TNFSF13B: variants seen among roughly 807,000 people sequenced by gnomAD.
The protein encoded by TNFSF13B is TNF superfamily member 13b, also known as tumor necrosis factor ligand superfamily member 13B.
Under a neutral mutation model 29.1 loss-of-function variants are expected in TNFSF13B, and 8 were observed. The ratio of observed to expected loss-of-function variants is 0.27; its 90% CI spans 0.16 to 0.50. The LOEUF is 0.50. Among genes scored for constraint, TNFSF13B ranks in the 20% least tolerant of loss-of-function variants. The pLI is 0.98. For missense variants in TNFSF13B, 248 were observed against 334.9 expected (o/e 0.74, Z 2.03); for synonymous variants, 125 against 130.8 (o/e 0.96, Z 0.30).
intron 5 of TNFSF13B, 57 bp downstream of exon 5, chr13:108,303,661 A>C (rs1209442345): frequency 6.5e-7 from 1 of 1,544,694 alleles, no homozygotes; most frequent in African/African-American, 1.4e-5. Context: ...TTGACGAAAA[A>C]TCTGAGCTGC....
chr13:108,285,683 A>G (rs939070168), intron 2 of TNFSF13B, among the ~76,000 whole-genome samples: 7 of 152,208 alleles, frequency 4.6e-5, no homozygotes, highest in Non-Finnish European at 7.3e-5. Context: ...GAAATTTTTC[A>G]GCTAATCTCC....
chr13:108,283,570 G>A (rs190351212), intron 2 of TNFSF13B, among the ~76,000 whole-genome samples: 2 of 152,196 alleles, frequency 1.3e-5, no homozygotes, highest in African/African-American at 4.8e-5. Context: ...CATATTCATG[G>A]TGTCAAGTCA....
At chr13:108,273,283 A>T (rs939428174) in intron 2 of TNFSF13B, among the ~76,000 whole-genome samples, 1 of 152,142 alleles carries the variant, frequency 6.6e-6, no homozygotes, top group Non-Finnish European at 1.5e-5. Context: ...GATTTGTGAT[A>T]ATTTGAAAAA....
At chr13:108,302,483 C>T (rs552152765) in intron 3 of TNFSF13B, among the ~76,000 whole-genome samples, 65 of 152,262 alleles carry the variant, frequency 4.3e-4, no homozygotes, top group African/African-American at 1.5e-3. Context: ...TCTCTGCTCT[C>T]TTAATGGGTT....
At position 108,306,737 on chromosome 13, in the gene TNFSF13B, T is replaced by G. The variant is rs533865044; in HGVS notation, c.746-89T>G. 3.0e-4 allele frequency: 235 copies of G among 785,594 alleles called. No homozygotes were observed. In the African/African-American group the frequency reaches 3.6e-3, roughly 12 times the overall value. The allele number at this position is 785,594 out of a possible 1,614,324, so 48.7% of individuals were successfully genotyped here. ...GTGTGAATGCCTATGTTAACATTTT[T>G]TTTTTACAGAACAAAATAGTTTTAT... On this transcript the variant is annotated intron_variant, in intron 5 of 5. Transcript: ENST00000375887.
At chr13:108,306,612 G>A (rs908328080) in intron 5 of TNFSF13B, among the ~76,000 whole-genome samples, 2 of 151,742 alleles carry the variant, frequency 1.3e-5, no homozygotes, top group Non-Finnish European at 2.9e-5. Flanking sequence ...GGTGATAAAT[G>A]CATACATATC....
Position 108,298,254 on chromosome 13 carries a change from T to C in TNFSF13B, c.482-4999T>C, listed in dbSNP as rs137929719. 5.6e-4 allele frequency among the ~76,000 whole-genome samples: 81 copies of C among 145,070 alleles called. 14 individuals are homozygous for C. Among genetic ancestry groups the C allele is most frequent in the African/African-American group, 2.0e-3 (77 of 38,568 alleles). Reference sequence around the variant, plus strand: ...ATCACTGTACCTTCCTCTCAGTTTTTCTGTGAATCTAAAATGGCTCTAAAA... The same window carrying C: ...ATCACTGTACCTTCCTCTCAGTTTTCCTGTGAATCTAAAATGGCTCTAAAA... On this transcript the variant is annotated intron_variant, in intron 3 of 5. Coordinates refer to ENST00000375887, the MANE Select transcript of TNFSF13B (RefSeq NM_006573.5).
intron 3 of TNFSF13B, among the ~76,000 whole-genome samples, chr13:108,290,367 T>C (rs910667780): frequency 1.3e-5 from 2 of 152,152 alleles, no homozygotes; most frequent in African/African-American, 4.8e-5. Flanking sequence ...TAACTTCTCA[T>C]ATGTCAGCCT....
intron 3 of TNFSF13B, among the ~76,000 whole-genome samples, chr13:108,287,477 T>C (rs1211508548): frequency 6.6e-6 from 1 of 152,182 alleles, no homozygotes; most frequent in African/African-American, 2.4e-5. Flanking sequence ...ACCAAAGTAA[T>C]AATCTAATAA....
Position 108,291,392 on chromosome 13 carries a change from CT to C in TNFSF13B, c.481+4541del, listed in dbSNP as rs537851732. ...TATATATTTATATTTTTTTAGTCTC[CT>C]TTTTTTTCTTTTAGTATGTATTGAA... On this transcript the variant is annotated intron_variant, in intron 3 of 5. Coordinates refer to ENST00000375887, the MANE Select transcript of TNFSF13B (RefSeq NM_006573.5). Among the ~76,000 whole-genome samples, 867 of 151,380 alleles carry C rather than the reference CT, an allele frequency of 5.7e-3. 1 individual carries two copies. The highest frequency in any genetic ancestry group is 7.1e-3 in the African/African-American group (295 of 41,376).
Position 108,295,561 on chromosome 13 carries a change from A to G in TNFSF13B, c.482-7692A>G, listed in dbSNP as rs537265043. On this transcript the variant is annotated intron_variant, in intron 3 of 5. Coordinates refer to ENST00000375887, the MANE Select transcript of TNFSF13B (RefSeq NM_006573.5). ...TTTATTATATTATCTGATCTTTATTATTTTCTTCCTTCTGTCAATTTTGGG... is the reference window on the plus strand; with the variant it reads ...TTTATTATATTATCTGATCTTTATTGTTTTCTTCCTTCTGTCAATTTTGGG... 2.8e-5 allele frequency among the ~76,000 whole-genome samples: 4 copies of G among 143,284 alleles called. 1 individual carries two copies. Among genetic ancestry groups the G allele is most frequent in the East Asian group, 1.9e-4 (1 of 5,144 alleles). 94.0% of individuals were successfully genotyped at this position (143,284 alleles called of 152,430 possible). A position where few individuals can be genotyped will look rare whatever the true frequency, so the allele number is the denominator to read the frequency against.
At chr13:108,292,537 C>T (rs149141200) in intron 3 of TNFSF13B, among the ~76,000 whole-genome samples, 52 of 152,138 alleles carry the variant, frequency 3.4e-4, no homozygotes, top group Admixed American at 3.3e-3. Context: ...CAACATTTTG[C>T]CTTCCCCCCA....
intron 2 of TNFSF13B, among the ~76,000 whole-genome samples, chr13:108,286,359 T>C (rs984562825): frequency 5.3e-5 from 8 of 152,178 alleles, no homozygotes; most frequent in African/African-American, 1.7e-4. Context: ...TTAGCATTTT[T>C]TTTTTTACTT....
chr13:108,299,025 C>T (rs1195458669), intron 3 of TNFSF13B, among the ~76,000 whole-genome samples: 1 of 145,840 alleles, frequency 6.9e-6, no homozygotes, highest in African/African-American at 2.6e-5. Flanking sequence ...TGCATTGAAT[C>T]TACAGGAAGA....
intron 3 of TNFSF13B, among the ~76,000 whole-genome samples, chr13:108,290,640 G>A (rs1398067514): frequency 6.6e-6 from 1 of 151,332 alleles, no homozygotes; most frequent in Non-Finnish European, 1.5e-5. Flanking sequence ...CGTTGGACTT[G>A]GTCATTTTTA....
chr13:108,281,803 C>A (rs773570248), intron 2 of TNFSF13B, among the ~76,000 whole-genome samples: 1 of 152,200 alleles, frequency 6.6e-6, no homozygotes, highest in Non-Finnish European at 1.5e-5. Context: ...TAGCTTCCCT[C>A]CTCTAAATTC....
At chr13:108,300,966 G>C (rs1373686551) in intron 3 of TNFSF13B, among the ~76,000 whole-genome samples, 1 of 152,174 alleles carries the variant, frequency 6.6e-6, no homozygotes, top group East Asian at 1.9e-4. Flanking sequence ...GATCTGACTA[G>C]GGAAATGTTA....
At chr13:108,274,333 ATACAAATATATG>A (rs1375910518) in intron 2 of TNFSF13B, among the ~76,000 whole-genome samples, 2 of 147,438 alleles carry the variant, frequency 1.4e-5, no homozygotes, top group African/African-American at 5.0e-5. Context: ...ACATATATTT[ATACAAATATATG>A]TACAAATATA....
intron 2 of TNFSF13B, among the ~76,000 whole-genome samples, chr13:108,284,258 G>A (rs539413592): frequency 2.0e-5 from 3 of 152,354 alleles, no homozygotes; most frequent in Non-Finnish European, 4.4e-5. Context: ...GAGCGCGGGA[G>A]GCGGAGCTTG....
Sources: allele counts gnomAD v4.1 joint callset (sites outside exome capture counted in the v4.1 genomes callset), GRCh38; gene constraint gnomAD v4.1.1; transcripts MANE v1.5; gene names NCBI Gene and HGNC (gene_info 2026-07-23, HGNC 2026-07-21).